Variants in CERS3 observed in about 807,000 individuals in gnomAD.
The protein encoded by CERS3 is LAG1 homolog, ceramide synthase 3.
CERS3 carries 33 observed loss-of-function variants against 50.3 expected under a neutral mutation model. The ratio of observed to expected loss-of-function variants is 0.66; its 90% CI spans 0.50 to 0.88. CERS3 has a LOEUF of 0.88. Ranked by LOEUF, CERS3 falls within the 40% of genes least tolerant of loss-of-function variation. CERS3 has a pLI of 0.00. For synonymous variants in CERS3, 176 were observed against 155.2 expected (o/e 1.13, Z -0.99); for missense variants, 470 against 460.3 (o/e 1.02, Z -0.19).
At chr15:100,456,160 A>G (rs529573916) in intron 10 of CERS3, 114 bp from the exon 11 acceptor site, 1 of 631,598 alleles carries the variant, frequency 1.6e-6, no homozygotes, top group African/African-American at 1.9e-5. Flanking sequence ...TTTCTAATAA[A>G]GCCCAGAAAA....
intron 11 of CERS3, among the ~76,000 whole-genome samples, chr15:100,413,703 A>G (rs7165148): frequency 0.56 from 84,895 of 150,292 alleles, 24,256 homozygotes; most frequent in Non-Finnish European, 0.6. Context: ...ACACTCATAC[A>G]TTTGGTTAGA....
intron 11 of CERS3, chr15:100,425,900 G>C (rs200459677): frequency 6.1e-5 from 5 of 82,312 alleles, no homozygotes; most frequent in African/African-American, 1.6e-4. Context: ...TTTACCCCTT[G>C]CTATTCTTGT....
chr15:100,424,360 G>C (rs981153332), intron 11 of CERS3, among the ~76,000 whole-genome samples: 6 of 152,198 alleles, frequency 3.9e-5, no homozygotes, highest in Non-Finnish European at 7.3e-5. Context: ...GTAATGGGAA[G>C]AGGTTGGAAC....
At chr15:100,527,628 C>T (rs2036833090) in intron 1 of CERS3, among the ~76,000 whole-genome samples, 1 of 152,238 alleles carries the variant, frequency 6.6e-6, no homozygotes, top group Non-Finnish European at 1.5e-5. Context: ...GGCTTTCTCA[C>T]ATCCCTACTG....
chr15:100,487,992 G>A (rs1010755339), intron 4 of CERS3, among the ~76,000 whole-genome samples: 13 of 152,098 alleles, frequency 8.5e-5, no homozygotes, highest in African/African-American at 2.7e-4. Context: ...GTTACTACAC[G>A]TTACCTATAG....
intron 1 of CERS3, among the ~76,000 whole-genome samples, chr15:100,540,756 G>A (rs1421821299): frequency 6.6e-6 from 1 of 152,116 alleles, no homozygotes; most frequent in Non-Finnish European, 1.5e-5. Context: ...TTCATCCTAT[G>A]AGCCCAGATC....
At chr15:100,443,651 C>T (rs2033804517) in intron 11 of CERS3, among the ~76,000 whole-genome samples, 1 of 142,470 alleles carries the variant, frequency 7.0e-6, no homozygotes, top group Non-Finnish European at 1.6e-5. Flanking sequence ...GGCTGTACTG[C>T]CCCAAAGCTT....
chr15:100,435,157 T>C (rs1456203843), intron 11 of CERS3, among the ~76,000 whole-genome samples: 1 of 152,190 alleles, frequency 6.6e-6, no homozygotes, highest in Non-Finnish European at 1.5e-5. Flanking sequence ...CCAAACGACT[T>C]GGGTAGCCCA....
At chr15:100,504,481 G>A (rs1343603455) in intron 2 of CERS3, among the ~76,000 whole-genome samples, 1 of 152,078 alleles carries the variant, frequency 6.6e-6, no homozygotes, top group Non-Finnish European at 1.5e-5. Flanking sequence ...AACCTCAGGT[G>A]ATCCGCCCGC....
At chr15:100,428,558 G>A (rs1302212911) in intron 11 of CERS3, among the ~76,000 whole-genome samples, 1 of 152,154 alleles carries the variant, frequency 6.6e-6, no homozygotes, top group Non-Finnish European at 1.5e-5. Flanking sequence ...CATACTAGTG[G>A]CACCTCCCAC....
intron 2 of CERS3, among the ~76,000 whole-genome samples, chr15:100,520,568 G>A (rs774421078): frequency 2.0e-5 from 3 of 152,192 alleles, no homozygotes; most frequent in Admixed American, 1.3e-4. Flanking sequence ...GGCTTATAAT[G>A]CTTCCTCCTT....
Position 100,499,463 on chromosome 15 carries a change from T to C in CERS3, c.173+2214A>G, listed in dbSNP as rs534703740. 2.0e-5 allele frequency among the ~76,000 whole-genome samples: 3 copies of C among 152,356 alleles called. No individual in the cohort carries two copies. In the East Asian group the frequency reaches 5.8e-4, roughly 29 times the overall value. On this transcript the variant is annotated intron_variant, in intron 3 of 11. Transcript: ENST00000679737. ...AAAGTAAATGTCAGTTACTTTCAAATTATCTGCTTCTTTGTTTCTCATCTG... is the reference window on the plus strand; with the variant it reads ...AAAGTAAATGTCAGTTACTTTCAAACTATCTGCTTCTTTGTTTCTCATCTG...
At chr15:100,434,989 G>C (rs1210234974) in intron 11 of CERS3, among the ~76,000 whole-genome samples, 1 of 152,134 alleles carries the variant, frequency 6.6e-6, no homozygotes, top group Non-Finnish European at 1.5e-5. Context: ...ACTTCAGCAA[G>C]ACATGGTCTG....
At chr15:100,418,266 G>A (rs551037626) in intron 11 of CERS3, among the ~76,000 whole-genome samples, 111 of 150,392 alleles carry the variant, frequency 7.4e-4, no homozygotes, top group African/African-American at 2.5e-3. Context: ...ACCAAGGCCC[G>A]AGAACTACGT....
At position 100,455,872 on chromosome 15, in the gene CERS3, T is replaced by A. The variant is rs76965044; in HGVS notation, c.999+21A>T. ...AACCTGGCAATGACATTAAGAGCAATAATATTTGGACAGCCCTTACCTTCA... is the reference window on the plus strand; with the variant it reads ...AACCTGGCAATGACATTAAGAGCAAAAATATTTGGACAGCCCTTACCTTCA... On this transcript the variant is annotated intron_variant, in intron 11 of 11. Coordinates refer to ENST00000679737, the MANE Select transcript of CERS3 (RefSeq NM_001378789.1). The A allele has an allele frequency of 3.1e-5, 22 of 707,178 alleles. No homozygotes were observed. The African/African-American group carries it at 4.3e-4, about 14-fold the overall frequency. 43.8% of individuals were successfully genotyped at this position (707,178 alleles called of 1,614,324 possible).
intron 11 of CERS3, among the ~76,000 whole-genome samples, chr15:100,427,838 G>A (rs549475831): frequency 1.1e-4 from 17 of 152,314 alleles, no homozygotes; most frequent in South Asian, 2.1e-4. Context: ...GCTTCCTGCC[G>A]AGAGACAGGT....
chr15:100,434,050 G>C (rs2033272942), intron 11 of CERS3, among the ~76,000 whole-genome samples: 1 of 152,248 alleles, frequency 6.6e-6, no homozygotes, highest in Non-Finnish European at 1.5e-5. Context: ...GGAGAGCTAT[G>C]AGGAGTGGAT....
intron 1 of CERS3, among the ~76,000 whole-genome samples, chr15:100,522,470 G>A (rs1378587451): frequency 6.6e-6 from 1 of 152,202 alleles, no homozygotes; most frequent in African/African-American, 2.4e-5. Flanking sequence ...AATATGACCA[G>A]CACCCCAGAC....
At position 100,501,865 on chromosome 15, in the gene CERS3, AC is replaced by A; in HGVS notation, c.-1-16del. 1.9e-6 allele frequency: 3 copies of A among 1,612,966 alleles called. No homozygotes were observed. Among genetic ancestry groups the A allele is most frequent in the Non-Finnish European group, 2.5e-6 (3 of 1,179,352 alleles). ...TCCAAAACATTCTAGAGAAATGGAAACAGACATTAGGCTTGTAAAACAAACA... is the reference window on the plus strand; with the variant it reads ...TCCAAAACATTCTAGAGAAATGGAAAAGACATTAGGCTTGTAAAACAAACA... On this transcript the variant is annotated splice_polypyrimidine_tract_variant and intron_variant, in intron 2 of 11. Transcript: ENST00000679737.
Sources: allele counts gnomAD v4.1 joint callset (sites outside exome capture counted in the v4.1 genomes callset), GRCh38; gene constraint gnomAD v4.1.1; transcripts MANE v1.5; gene names NCBI Gene and HGNC (gene_info 2026-07-23, HGNC 2026-07-21).